Variants in IRAG1 observed in about 807,000 individuals in gnomAD.
IRAG1 encodes the protein inositol 1,4,5-triphosphate receptor associated 1.
In IRAG1, 62 loss-of-function variants were observed where a neutral mutation model predicts 106.2. The ratio of observed to expected loss-of-function variants is 0.58; its 90% CI spans 0.48 to 0.72. The LOEUF is 0.72. IRAG1 is among the 30% of genes least tolerant of loss of function. IRAG1 has a pLI of 0.00. For missense variants in IRAG1, 1,064 were observed against 1,140.7 expected, an observed-to-expected ratio of 0.93 and a Z score of 0.97; for synonymous variants, 462 against 443.9, an observed-to-expected ratio of 1.04 and a Z score of -0.51.
chr11:10,654,526 T>C (rs913800211), intron 1 of IRAG1, among the ~76,000 whole-genome samples: 2 of 152,180 alleles, frequency 1.3e-5, no homozygotes, highest in Non-Finnish European at 2.9e-5. Context: ...ATTCATTCTT[T>C]CACTGCCAAA....
At chr11:10,644,426 T>G (rs1857779159) in intron 2 of IRAG1, among the ~76,000 whole-genome samples, 1 of 152,216 alleles carries the variant, frequency 6.6e-6, no homozygotes. Flanking sequence ...AGGCTGTTCT[T>G]GCAAAGGATG....
At chr11:10,677,985 T>C (rs1860828598) in intron 1 of IRAG1, among the ~76,000 whole-genome samples, 2 of 151,644 alleles carry the variant, frequency 1.3e-5, no homozygotes, top group South Asian at 4.2e-4. Context: ...CTGAATAATA[T>C]TCCATCATTA....
intron 1 of IRAG1, chr11:10,687,622 G>A: frequency 9.3e-6 from 11 of 1,187,462 alleles, no homozygotes; most frequent in Non-Finnish European, 1.2e-5. Context: ...GTTATTTATT[G>A]GGCCTCCTTA....
chr11:10,626,729 G>T, intron 8 of IRAG1, 146 bp from the exon 9 acceptor site: 1 of 982,280 alleles, frequency 1.0e-6, no homozygotes, highest in Non-Finnish European at 1.4e-6. Context: ...AGTGGACGAT[G>T]TGGAAGGAGA....
At chr11:10,651,887 C>T (rs1858541558) in intron 2 of IRAG1, 138 bp downstream of exon 2, 1 of 1,037,366 alleles carries the variant, frequency 9.6e-7, no homozygotes, top group Non-Finnish European at 1.4e-6. Flanking sequence ...GGAAGCCACA[C>T]ACCTTCTCCA....
At chr11:10,606,924 C>T (rs758615902) in intron 11 of IRAG1, among the ~76,000 whole-genome samples, 152 bp from the exon 12 acceptor site, 19 of 152,198 alleles carry the variant, frequency 1.2e-4, no homozygotes, top group Admixed American at 4.6e-4. Flanking sequence ...TGCCTGTGCT[C>T]TGTCACCTGT....
intron 3 of IRAG1, 91 bp from the exon 4 acceptor site, chr11:10,632,152 T>C (rs1773692593): frequency 1.2e-6 from 1 of 857,572 alleles, no homozygotes; most frequent in Admixed American, 2.5e-5. Flanking sequence ...TTCTTTTTCT[T>C]TCTTTCTTTC....
At chr11:10,672,720 T>C (rs535171821) in intron 1 of IRAG1, among the ~76,000 whole-genome samples, 1 of 152,300 alleles carries the variant, frequency 6.6e-6, no homozygotes, top group East Asian at 1.9e-4. Flanking sequence ...ATATTGCTGG[T>C]AGAAATGTAA....
At chr11:10,680,371 AGG>A (rs1861095745) in intron 1 of IRAG1, among the ~76,000 whole-genome samples, 1 of 64,682 alleles carries the variant, frequency 1.5e-5, no homozygotes, top group Admixed American at 1.4e-4. Context: ...GAAAGAAAGA[AGG>A]AAGGAAGGAA....
intron 1 of IRAG1, among the ~76,000 whole-genome samples, chr11:10,693,130 G>T (rs111769196): frequency 1.6e-4 from 24 of 152,238 alleles, no homozygotes; most frequent in African/African-American, 5.3e-4. Flanking sequence ...GGCGTAGGGG[G>T]ACAGAGAGAG....
At chr11:10,594,948 A>G (rs1248972399) in intron 15 of IRAG1, among the ~76,000 whole-genome samples, 20 of 152,056 alleles carry the variant, frequency 1.3e-4, no homozygotes, top group Non-Finnish European at 2.9e-5. Context: ...TTCTTTTGAG[A>G]CAGTCTCACT....
In IRAG1 at chr11:10,609,711, C is replaced by T. The variant is rs565167568; in HGVS notation, c.1571+17G>A. On this transcript the variant is annotated intron_variant, in intron 11 of 20. Transcript: ENST00000423302. ...CACTCGGTACAGGGCCTTCTGTAAC[C>T]CACATCCTGATTTTACCTTCCAGGG... The T allele has an allele frequency of 1.2e-6, 2 of 1,609,772 alleles. No individual in the cohort carries two copies. Among genetic ancestry groups the T allele is most frequent in the South Asian group, 2.2e-5 (2 of 90,892 alleles).
At chr11:10,653,740 C>T (rs541688221) in intron 1 of IRAG1, among the ~76,000 whole-genome samples, 5 of 152,272 alleles carry the variant, frequency 3.3e-5, no homozygotes, top group Middle Eastern at 3.4e-3. Flanking sequence ...CACAGTAGTT[C>T]CCACAGAGGC....
intron 1 of IRAG1, among the ~76,000 whole-genome samples, chr11:10,658,988 C>T (rs921513037): frequency 3.2e-5 from 4 of 125,650 alleles, no homozygotes; most frequent in African/African-American, 1.2e-4. Flanking sequence ...GGCTGCCCAA[C>T]GTCTGTGCTG....
In IRAG1 at chr11:10,637,437, T is replaced by G. The variant is rs140643795; in HGVS notation, c.226-3366A>C. Among the ~76,000 whole-genome samples the G allele has an allele frequency of 9.2e-3, 1,397 of 152,200 alleles. 9 individuals carry two copies. The highest frequency in any genetic ancestry group is 0.012 in the Non-Finnish European group (830 of 68,006). Reference sequence around the variant, plus strand: ...AGTTTTCTGAAAAGCAACAACTCATTCTCTGGATAGTATGCCTTGATGGGC... The same window carrying G: ...AGTTTTCTGAAAAGCAACAACTCATGCTCTGGATAGTATGCCTTGATGGGC... On this transcript the variant is annotated intron_variant, in intron 2 of 20. Coordinates refer to ENST00000423302, the MANE Select transcript of IRAG1 (RefSeq NM_130385.4).
chr11:10,692,783 G>T (rs539651878), intron 1 of IRAG1, among the ~76,000 whole-genome samples: 4 of 152,318 alleles, frequency 2.6e-5, no homozygotes, highest in Admixed American at 2.6e-4. Flanking sequence ...ACTGTTTCCT[G>T]GGCAGGAGGG....
intron 1 of IRAG1, among the ~76,000 whole-genome samples, chr11:10,688,464 C>T (rs1861825440): frequency 6.6e-6 from 1 of 152,170 alleles, no homozygotes; most frequent in Non-Finnish European, 1.5e-5. Flanking sequence ...TCTCTGGAAA[C>T]ACCCTCTTGA....
At chr11:10,644,230 T>C (rs781638300) in intron 2 of IRAG1, among the ~76,000 whole-genome samples, 3 of 152,224 alleles carry the variant, frequency 2.0e-5, no homozygotes, top group Non-Finnish European at 4.4e-5. Flanking sequence ...CTAGGTGATC[T>C]TTGACAATTA....
intron 1 of IRAG1, among the ~76,000 whole-genome samples, chr11:10,660,840 C>T (rs1475062100): frequency 6.6e-6 from 1 of 152,168 alleles, no homozygotes; most frequent in Non-Finnish European, 1.5e-5. Flanking sequence ...TTCTGTCACC[C>T]TCCACATTCA....
Sources: allele counts gnomAD v4.1 joint callset (sites outside exome capture counted in the v4.1 genomes callset), GRCh38; gene constraint gnomAD v4.1.1; transcripts MANE v1.5; gene names NCBI Gene and HGNC (gene_info 2026-07-23, HGNC 2026-07-21).